LRRC52: variants seen among roughly 807,000 people sequenced by gnomAD.
LRRC52 encodes leucine rich repeat containing 52, also known as leucine-rich repeat-containing protein 52.
A neutral mutation model predicts 14.7 loss-of-function variants in LRRC52; 15 were observed. The ratio of observed to expected loss-of-function variants is 1.02; its 90% CI spans 0.68 to 1.58. The LOEUF is 1.58. Ranked by LOEUF, LRRC52 falls within the 40% of genes most tolerant of loss-of-function variation. The pLI is 0.00. For missense variants in LRRC52, 400 were observed against 387.7 expected (o/e 1.03, Z -0.27); for synonymous variants, 180 against 163.9 (o/e 1.10, Z -0.75).
rs980730690 is a variant in LRRC52, at chr1:165,544,445, A to C, written c.149A>C (p.Asp50Ala). ...AAGCAGTTAACCGAATACCCCCTTGACATACCCCTGAACACCCGGAGGCTG... is the reference window on the plus strand; with the variant it reads ...AAGCAGTTAACCGAATACCCCCTTGCCATACCCCTGAACACCCGGAGGCTG... ...TGKQLTEYPL[D>A]IPLNTRRLFL... The change falls in exon 1 of 2, where the codon GAC (aspartate) becomes GCC (alanine). Residue 50 changes from aspartate to alanine, a missense_variant. Transcript: ENST00000294818. 1.7e-5 allele frequency: 27 copies of C among 1,614,022 alleles called. No homozygotes were observed. Among genetic ancestry groups the C allele is most frequent in the Non-Finnish European group, 2.1e-5 (25 of 1,180,024 alleles).
intron 1 of LRRC52, among the ~76,000 whole-genome samples, chr1:165,553,556 A>G (rs1200933614): frequency 6.6e-6 from 1 of 152,226 alleles, no homozygotes; most frequent in African/African-American, 2.4e-5. Context: ...AGGAGAAAAG[A>G]GATCCAACCA....
chr1:165,551,203 C>G (rs111471556), intron 1 of LRRC52, among the ~76,000 whole-genome samples: 1,859 of 150,732 alleles, frequency 0.012, 30 homozygotes, highest in Non-Finnish European at 0.017. Context: ...TGCCTCCACC[C>G]CAAGAAACTC....
At chr1:165,548,826 T>C (rs1661074586) in intron 1 of LRRC52, among the ~76,000 whole-genome samples, 1 of 151,960 alleles carries the variant, frequency 6.6e-6, no homozygotes, top group Non-Finnish European at 1.5e-5. Flanking sequence ...AAAAAACAAA[T>C]GGTTGGTAGA....
chr1:165,544,139 G>C lies in LRRC52; in HGVS notation c.-158G>C, dbSNP rs1660960852. On this transcript the variant is annotated 5_prime_UTR_variant, in exon 1 of 2. Coordinates refer to ENST00000294818, the MANE Select transcript of LRRC52 (RefSeq NM_001005214.4). ...CATTGAGCCTCGCGTTTCAATTTCT[G>C]TTCAGTTCTCCTGTAATGGAAAATT... The C allele has an allele frequency of 6.5e-6, 6 of 917,106 alleles. No individual in the cohort carries two copies. The East Asian group carries it at 1.3e-4, about 20-fold the overall frequency. 56.8% of individuals were successfully genotyped at this position (917,106 alleles called of 1,614,324 possible).
intron 1 of LRRC52, among the ~76,000 whole-genome samples, chr1:165,557,793 TAATTTCCTCACTGAGAAGTA>T (rs777874147): frequency 6.3e-4 from 96 of 152,302 alleles, no homozygotes; most frequent in Admixed American, 1.2e-3. Flanking sequence ...GATAGAAACA[TAATTTCCTCACTGAGAAGTA>T]ATTGCAATGC....
intron 1 of LRRC52, among the ~76,000 whole-genome samples, chr1:165,552,669 G>T (rs987400948): frequency 6.6e-6 from 1 of 152,190 alleles, no homozygotes; most frequent in African/African-American, 2.4e-5. Context: ...ATAGTTTCTT[G>T]TGCACCCTTT....
intron 1 of LRRC52, 58 bp downstream of exon 1, chr1:165,544,976 T>C (rs1173282923): frequency 6.3e-7 from 1 of 1,586,310 alleles, no homozygotes; most frequent in African/African-American, 1.4e-5. Flanking sequence ...CCAGAAAAGG[T>C]GAACTCAAAA....
chr1:165,544,213 C>A lies in LRRC52; in HGVS notation c.-84C>A. The A allele has an allele frequency of 8.6e-7, 1 of 1,159,446 alleles. No homozygotes were observed. The highest frequency in any genetic ancestry group is 1.2e-6 in the Non-Finnish European group (1 of 836,798). The allele number at this position is 1,159,446 out of a possible 1,614,324, so 71.8% of individuals were successfully genotyped here. A position where few individuals can be genotyped will look rare whatever the true frequency, so the allele number is the denominator to read the frequency against. ...ACAGTTCTTTCCAGAGCCCCTCCCC[C>A]GCCCCACCCCCCCACCGGCAGCCTT... On this transcript the variant is annotated 5_prime_UTR_variant, in exon 1 of 2. Coordinates refer to ENST00000294818, the MANE Select transcript of LRRC52 (RefSeq NM_001005214.4).
intron 1 of LRRC52, among the ~76,000 whole-genome samples, chr1:165,556,010 C>G (rs1475544783): frequency 6.6e-6 from 1 of 152,270 alleles, no homozygotes; most frequent in Non-Finnish European, 1.5e-5. Context: ...CACCATGCAG[C>G]TTGTTCCCCT....
intron 1 of LRRC52, among the ~76,000 whole-genome samples, 192 bp downstream of exon 1, chr1:165,545,110 G>A (rs899631700): frequency 2.0e-5 from 3 of 152,102 alleles, no homozygotes; most frequent in South Asian, 4.1e-4. Flanking sequence ...GGAATTCAAA[G>A]AGCTGAGTTC....
intron 1 of LRRC52, among the ~76,000 whole-genome samples, chr1:165,561,425 G>T (rs1262147512): frequency 6.6e-6 from 1 of 152,166 alleles, no homozygotes; most frequent in Non-Finnish European, 1.5e-5. Context: ...GCTCTCTCTC[G>T]ATAGAATTCC....
Position 165,563,554 on chromosome 1 carries a change from C to T in LRRC52, c.672C>T (p.Pro224=), listed in dbSNP as rs973266265. The T allele has an allele frequency of 1.7e-5, 28 of 1,614,064 alleles. No individual in the cohort carries two copies. The highest frequency in any genetic ancestry group is 4.0e-5 in the African/African-American group (3 of 74,934). The change falls in exon 2 of 2, where the codon CCC becomes CCT. Residue 224 remains proline, a synonymous_variant. Coordinates refer to ENST00000294818, the MANE Select transcript of LRRC52 (RefSeq NM_001005214.4). ...AGCCCACAGAGCTGACAGGGTGGCCCATCACCCGGGTGGGGAACCCACTCC... is the reference window on the plus strand; with the variant it reads ...AGCCCACAGAGCTGACAGGGTGGCCTATCACCCGGGTGGGGAACCCACTCC... ...CVEPTELTGW[P]ITRVGNPLRY...
At position 165,544,230 on chromosome 1, in the gene LRRC52, G is replaced by GGCCC; in HGVS notation, c.-65_-64insCCGC. On this transcript the variant is annotated 5_prime_UTR_variant, in exon 1 of 2. Transcript: ENST00000294818. ...CCCTCCCCCGCCCCACCCCCCCACC[G>GGCCC]GCAGCCTTCGGATCAGAGGACAGAG... is the stretch of plus-strand genomic sequence containing the variant. The GGCCC allele has an allele frequency of 2.2e-6, 1 of 448,044 alleles. No individual in the cohort carries two copies. Among genetic ancestry groups the GGCCC allele is most frequent in the South Asian group, 2.6e-5 (1 of 38,862 alleles). The allele number at this position is 448,044 out of a possible 1,614,324, so 27.8% of individuals were successfully genotyped here.
chr1:165,553,631 G>T (rs916333360), intron 1 of LRRC52, among the ~76,000 whole-genome samples: 2 of 152,128 alleles, frequency 1.3e-5, no homozygotes, highest in Non-Finnish European at 2.9e-5. Flanking sequence ...AGAAAGAGGG[G>T]AAGTCATTGG....
intron 1 of LRRC52, among the ~76,000 whole-genome samples, chr1:165,550,216 T>A (rs1181603559): frequency 6.6e-6 from 1 of 152,230 alleles, no homozygotes; most frequent in East Asian, 1.9e-4. Context: ...CAGGGTTGAA[T>A]GGCTTTCAGG....
intron 1 of LRRC52, among the ~76,000 whole-genome samples, chr1:165,549,824 G>A (rs1175942434): frequency 6.6e-6 from 1 of 152,218 alleles, no homozygotes; most frequent in Non-Finnish European, 1.5e-5. Flanking sequence ...CACTGAACAA[G>A]AATATCAAAA....
chr1:165,558,954 T>C (rs745761475), intron 1 of LRRC52, among the ~76,000 whole-genome samples: 9 of 152,248 alleles, frequency 5.9e-5, no homozygotes, highest in Non-Finnish European at 7.3e-5. Flanking sequence ...GCAGCCATAC[T>C]AATGTTAAAC....
Position 165,563,758 on chromosome 1 carries a change from G to A in LRRC52, c.876G>A (p.Val292=). The change falls in exon 2 of 2, where the codon GTG becomes GTA. Residue 292 remains valine, a synonymous_variant. Transcript: ENST00000294818. The part of the protein sequence containing the change: ...EEDEDEAGTR[V]EVSRRIFQTQ... ...ATGAGGACGAGGCCGGGACTAGGGT[G>A]GAAGTCAGCCGGCGGATTTTTCAAA... 1.9e-6 allele frequency: 3 copies of A among 1,614,210 alleles called. No homozygotes were observed. Among genetic ancestry groups the A allele is most frequent in the Non-Finnish European group, 2.5e-6 (3 of 1,180,042 alleles).
chr1:165,554,426 G>GGTTGTTGTTGTTGTTGTTGTT (rs140256565), intron 1 of LRRC52, among the ~76,000 whole-genome samples: 8 of 150,476 alleles, frequency 5.3e-5, no homozygotes, highest in South Asian at 2.1e-4. Flanking sequence ...AATGATAGGT[G>GGTTGTTGTTGTTGTTGTTGTT]GTTGTTGTTG....
Sources: allele counts gnomAD v4.1 joint callset (sites outside exome capture counted in the v4.1 genomes callset), GRCh38; gene constraint gnomAD v4.1.1; transcripts MANE v1.5; gene names NCBI Gene and HGNC (gene_info 2026-07-23, HGNC 2026-07-21).